Variants in GNG12 observed in about 807,000 individuals in gnomAD.
GNG12 encodes the protein G protein subunit gamma 12, also known as guanine nucleotide-binding protein G(I)/G(S)/G(O) subunit gamma-12.
For synonymous variants in GNG12, 28 were observed against 29.7 expected (o/e 0.94, Z 0.19); for missense variants, 69 against 83.8 (o/e 0.82, Z 0.69).
At position 67,729,805 on chromosome 1, in the gene GNG12, G is replaced by C. The variant is rs139025560; in HGVS notation, c.-26-22093C>G. Among the ~76,000 whole-genome samples, 541 of 152,228 alleles carry C rather than the reference G, an allele frequency of 3.6e-3. 4 individuals carry two copies. Among genetic ancestry groups the C allele is most frequent in the African/African-American group, 0.012 (513 of 41,534 alleles). ...TCCAAGGGGGCTCCGTGGATTCCCA[G>C]GGCTTCCTGAGATAATTTGAAATTG... On this transcript the variant is annotated intron_variant, in intron 2 of 3. Transcript: ENST00000370982.
At chr1:67,806,400 G>T (rs1646894615) in intron 1 of GNG12, among the ~76,000 whole-genome samples, 1 of 151,890 alleles carries the variant, frequency 6.6e-6, no homozygotes, top group Non-Finnish European at 1.5e-5. Flanking sequence ...TTCAAACAAG[G>T]ATGAAAAATA....
At chr1:67,745,176 C>A (rs1646501366) in intron 2 of GNG12, among the ~76,000 whole-genome samples, 1 of 152,158 alleles carries the variant, frequency 6.6e-6, no homozygotes, top group South Asian at 2.1e-4. Context: ...GGTACTTATA[C>A]ACAGACGACA....
chr1:67,786,512 G>C (rs1646768324), intron 1 of GNG12, among the ~76,000 whole-genome samples: 1 of 152,164 alleles, frequency 6.6e-6, no homozygotes, highest in Non-Finnish European at 1.5e-5. Context: ...AACTGTAGAG[G>C]AAGAGGGTTT....
chr1:67,800,255 C>A (rs1243588886), intron 1 of GNG12, among the ~76,000 whole-genome samples: 7 of 152,146 alleles, frequency 4.6e-5, no homozygotes, highest in Admixed American at 4.6e-4. Context: ...AAAATGTACT[C>A]ATTAACGTCA....
chr1:67,813,398 A>G (rs1162042350), intron 1 of GNG12, among the ~76,000 whole-genome samples: 1 of 152,184 alleles, frequency 6.6e-6, no homozygotes, highest in African/African-American at 2.4e-5. Context: ...TCTCCAGAAG[A>G]ATTGGTATGC....
At chr1:67,758,890 G>T (rs1314944380) in intron 2 of GNG12, among the ~76,000 whole-genome samples, 1 of 152,024 alleles carries the variant, frequency 6.6e-6, no homozygotes, top group Non-Finnish European at 1.5e-5. Flanking sequence ...GGCTGGGAAG[G>T]GAAGGGGGGG....
At chr1:67,725,980 A>G (rs1646382948) in intron 2 of GNG12, among the ~76,000 whole-genome samples, 1 of 152,202 alleles carries the variant, frequency 6.6e-6, no homozygotes, top group Non-Finnish European at 1.5e-5. Context: ...TGTTACTATA[A>G]ACAACTTGCT....
intron 2 of GNG12, among the ~76,000 whole-genome samples, chr1:67,732,797 A>G (rs1646427715): frequency 6.6e-6 from 1 of 152,164 alleles, no homozygotes; most frequent in African/African-American, 2.4e-5. Context: ...GGCTCTCTCC[A>G]CTCATCTCAA....
At chr1:67,746,096 A>G (rs72684520) in intron 2 of GNG12, among the ~76,000 whole-genome samples, 8 of 152,240 alleles carry the variant, frequency 5.3e-5, no homozygotes, top group Non-Finnish European at 7.4e-5. Context: ...GTATCATCTG[A>G]CTCCTCTAAA....
intron 1 of GNG12, among the ~76,000 whole-genome samples, chr1:67,798,051 G>C (rs916205132): frequency 6.6e-6 from 1 of 152,032 alleles, no homozygotes; most frequent in Non-Finnish European, 1.5e-5. Flanking sequence ...CTTATAGGAG[G>C]TTCCTTTCAC....
In GNG12 at chr1:67,758,528, T is replaced by G. The variant is rs1375296531; in HGVS notation, c.-27+18930A>C. Reference sequence around the variant, plus strand: ...CTGGTGTCAGGATTGGGGAGCATGCTGGACAGGGGCTGAGTGGCTGCTATA... The same window carrying G: ...CTGGTGTCAGGATTGGGGAGCATGCGGGACAGGGGCTGAGTGGCTGCTATA... On this transcript the variant is annotated intron_variant, in intron 2 of 3. Transcript: ENST00000370982. 2.6e-5 allele frequency among the ~76,000 whole-genome samples: 4 copies of G among 152,206 alleles called. No homozygotes were observed. The East Asian group carries it at 5.8e-4, about 22-fold the overall frequency.
chr1:67,783,799 T>C (rs1460350012), intron 1 of GNG12, among the ~76,000 whole-genome samples: 1 of 151,960 alleles, frequency 6.6e-6, no homozygotes, highest in Non-Finnish European at 1.5e-5. Context: ...TGGCGATCAT[T>C]AAAAAGTCAG....
intron 2 of GNG12, among the ~76,000 whole-genome samples, chr1:67,708,441 T>C (rs1646262576): frequency 6.6e-6 from 1 of 152,198 alleles, no homozygotes. Context: ...CCTGGTCTCA[T>C]CGTGATGGTC....
chr1:67,744,803 C>G (rs1294054146), intron 2 of GNG12, among the ~76,000 whole-genome samples: 2 of 152,078 alleles, frequency 1.3e-5, no homozygotes, highest in South Asian at 2.1e-4. Context: ...AGGGGTAGAT[C>G]CGGCATTTGA....
chr1:67,729,185 C>T (rs4655750), intron 2 of GNG12, among the ~76,000 whole-genome samples: 3 of 152,242 alleles, frequency 2.0e-5, no homozygotes, highest in East Asian at 1.9e-4. Context: ...AGATTTTGCC[C>T]GAGTGCATGT....
intron 1 of GNG12, among the ~76,000 whole-genome samples, chr1:67,795,485 C>T (rs545706078): frequency 6.6e-6 from 1 of 152,306 alleles, no homozygotes; most frequent in South Asian, 2.1e-4. Context: ...TACATATCTG[C>T]TGATTAAATG....
chr1:67,771,854 A>G (rs927553827), intron 2 of GNG12, among the ~76,000 whole-genome samples: 1 of 152,232 alleles, frequency 6.6e-6, no homozygotes, highest in Admixed American at 6.5e-5. Flanking sequence ...AGAGCCTGGC[A>G]TTAGGTAAAT....
chr1:67,798,534 C>A lies in GNG12; in HGVS notation c.-76-21027G>T, dbSNP rs143130965. Among the ~76,000 whole-genome samples, 1,199 of 152,258 alleles carry A rather than the reference C, an allele frequency of 7.9e-3. 16 individuals carry two copies. Among genetic ancestry groups the A allele is most frequent in the African/African-American group, 0.027 (1,133 of 41,528 alleles). On this transcript the variant is annotated intron_variant, in intron 1 of 3. Coordinates refer to ENST00000370982, the MANE Select transcript of GNG12 (RefSeq NM_018841.6). ...TCCATAAAGTTACCCTGTCTTCCTG[C>A]CTCCCCATCCCCCTCTGCCACCCCG...
At chr1:67,744,590 C>T (rs1646498613) in intron 2 of GNG12, among the ~76,000 whole-genome samples, 1 of 152,202 alleles carries the variant, frequency 6.6e-6, no homozygotes. Context: ...AGAGACAAGG[C>T]ACCGGTTCCA....
Sources: gnomAD v4.1 joint callset for allele counts (sites outside exome capture counted in the v4.1 genomes callset) on GRCh38, gnomAD v4.1.1 for gene constraint, MANE v1.5 for transcripts, NCBI Gene and HGNC (gene_info 2026-07-23, HGNC 2026-07-21) for gene names.